The following STK10 variants were observed in gnomAD, a reference collection of about 807,000 sequenced individuals.
The protein encoded by STK10 is serine/threonine-protein kinase 10.
Under a neutral mutation model 113.8 loss-of-function variants are expected in STK10, and 78 were observed. The ratio of observed to expected loss-of-function variants is 0.69; its 90% CI spans 0.57 to 0.83. The LOEUF is 0.83. STK10 is among the 40% of genes least tolerant of loss of function. The pLI, the probability that STK10 is intolerant of heterozygous loss-of-function variation, is 0.00. For synonymous variants in STK10, 465 were observed against 494.7 expected (o/e 0.94, Z 0.80); for missense variants, 1,109 against 1,280.1 (o/e 0.87, Z 2.04).
intron 14 of STK10, 145 bp downstream of exon 14, chr5:172,060,994 T>C: frequency 7.7e-7 from 1 of 1,298,492 alleles, no homozygotes; most frequent in Non-Finnish European, 1.0e-6. Context: ...GTGGGGCTTT[T>C]CCCCAGGTTT....
At chr5:172,126,081 T>A (rs1259732542) in intron 3 of STK10, among the ~76,000 whole-genome samples, 1 of 152,144 alleles carries the variant, frequency 6.6e-6, no homozygotes, top group African/African-American at 2.4e-5. Context: ...TTCTGGGCCA[T>A]CCCAGAATCC....
chr5:172,064,515 A>AG (rs2113706701), intron 13 of STK10: 1 of 604,012 alleles, frequency 1.7e-6, no homozygotes, highest in East Asian at 2.8e-5. Context: ...GAGATGGAAG[A>AG]GCTTACTTCC....
rs762101329 is a variant in STK10, at chr5:172,053,039, C to G, written c.2656G>C (p.Glu886Gln). 1.2e-6 allele frequency: 2 copies of G among 1,613,922 alleles called. No individual in the cohort carries two copies. Among genetic ancestry groups the G allele is most frequent in the South Asian group, 2.2e-5 (2 of 91,004 alleles). Reference sequence around the variant, plus strand: ...TGCTCTACCAGGAGGTGGCACTTTTCATTCTGGAACAGATTCCAGGCAGAA... The same window carrying G: ...TGCTCTACCAGGAGGTGGCACTTTTGATTCTGGAACAGATTCCAGGCAGAA... ...NMSELQQLQN[E>Q]KCHLLVEHET... is the part of the protein sequence containing the mutation. The change falls in exon 18 of 19, where the codon GAA becomes CAA. Residue 886 changes from glutamate (E) to glutamine (Q), a missense_variant. Physicochemically the swap from Glu to Gln is conservative, Grantham distance 29. Transcript: ENST00000176763.
At chr5:172,159,257 T>C (rs1252477635) in intron 1 of STK10, among the ~76,000 whole-genome samples, 1 of 152,264 alleles carries the variant, frequency 6.6e-6, no homozygotes. Context: ...CAAGTACACA[T>C]GGCCAGGCAC....
At chr5:172,091,194 T>C (rs1768697322) in intron 9 of STK10, among the ~76,000 whole-genome samples, 1 of 152,148 alleles carries the variant, frequency 6.6e-6, no homozygotes, top group African/African-American at 2.4e-5. Context: ...CAGTTATTAC[T>C]GCAGACCACA....
chr5:172,183,845 T>G (rs1770905710), intron 1 of STK10, among the ~76,000 whole-genome samples: 1 of 152,232 alleles, frequency 6.6e-6, no homozygotes, highest in Admixed American at 6.5e-5. Flanking sequence ...TGAGTGAGAA[T>G]GAGCTTGACT....
intron 3 of STK10, among the ~76,000 whole-genome samples, chr5:172,122,663 G>A (rs754346864): frequency 1.3e-5 from 2 of 152,124 alleles, no homozygotes; most frequent in East Asian, 1.9e-4. Context: ...TCGCTCTGTC[G>A]CCCAGGCTGG....
chr5:172,185,069 G>C (rs1251219703), intron 1 of STK10, among the ~76,000 whole-genome samples: 3 of 152,096 alleles, frequency 2.0e-5, no homozygotes, highest in Non-Finnish European at 4.4e-5. Flanking sequence ...TTTCAGAGTA[G>C]CAGGGGAGTC....
intron 13 of STK10, among the ~76,000 whole-genome samples, chr5:172,064,117 A>T (rs1488733150): frequency 6.6e-6 from 1 of 152,166 alleles, no homozygotes; most frequent in East Asian, 1.9e-4. Flanking sequence ...AAGAAACTGC[A>T]GGGGAAAAAC....
chr5:172,156,217 A>G (rs961215830), intron 2 of STK10, among the ~76,000 whole-genome samples: 2 of 152,218 alleles, frequency 1.3e-5, no homozygotes, highest in African/African-American at 2.4e-5. Flanking sequence ...GGGCTCTTAC[A>G]TGTGCCCAGC....
At chr5:172,081,218 G>A (rs1251385205) in intron 12 of STK10, among the ~76,000 whole-genome samples, 1 of 152,014 alleles carries the variant, frequency 6.6e-6, no homozygotes, top group African/African-American at 2.4e-5. Context: ...AAGCGTGGTG[G>A]TGCGTGCCTG....
intron 9 of STK10, chr5:172,092,371 C>G (rs948131263): frequency 1.3e-5 from 2 of 152,176 alleles, no homozygotes; most frequent in African/African-American, 4.8e-5. Context: ...TTGAGAAGAG[C>G]AGGGGAGCCC....
intron 8 of STK10, among the ~76,000 whole-genome samples, chr5:172,095,878 C>T (rs1034609677): frequency 1.3e-5 from 2 of 152,188 alleles, no homozygotes; most frequent in African/African-American, 4.8e-5. Context: ...AGAATCCAGC[C>T]CACAGACATG....
At chr5:172,106,012 C>T (rs576540823) in intron 6 of STK10, among the ~76,000 whole-genome samples, 3 of 152,276 alleles carry the variant, frequency 2.0e-5, no homozygotes, top group South Asian at 2.1e-4. Flanking sequence ...CCCGATGTCC[C>T]GCCCAGGGTG....
rs1471185646 is a variant in STK10, at chr5:172,105,155, T to C, written c.870+501A>G. Among the ~76,000 whole-genome samples the C allele has an allele frequency of 3.3e-3, 379 of 115,076 alleles. 2 individuals carry two copies. Among genetic ancestry groups the C allele is most frequent in the Middle Eastern group, 3.8e-3 (1 of 260 alleles). The allele number at this position is 115,076 out of a possible 152,430, so 75.5% of individuals were successfully genotyped here. ...TCCCCTCCCCTGGCCCCTGTGCTCC[T>C]GCTCCCCCACCTCCCACCCCCACCC... On this transcript the variant is annotated intron_variant, in intron 7 of 18. Transcript: ENST00000176763.
intron 7 of STK10, among the ~76,000 whole-genome samples, chr5:172,100,640 A>C (rs1323128970): frequency 1.3e-5 from 2 of 152,102 alleles, no homozygotes; most frequent in Non-Finnish European, 2.9e-5. Flanking sequence ...TACAAGAATT[A>C]GCCGGGTGTG....
At chr5:172,099,292 G>A (rs934416773) in intron 7 of STK10, among the ~76,000 whole-genome samples, 2 of 152,168 alleles carry the variant, frequency 1.3e-5, no homozygotes, top group African/African-American at 4.8e-5. Flanking sequence ...TGTAATCCCA[G>A]CACTTTGGGA....
intron 16 of STK10, 128 bp downstream of exon 16, chr5:172,055,460 G>A (rs1391405838): frequency 9.8e-7 from 1 of 1,017,048 alleles, no homozygotes; most frequent in Non-Finnish European, 1.3e-6. Flanking sequence ...AAAGTGTTGG[G>A]ATTACAGACG....
chr5:172,127,661 C>G (rs756347166), intron 2 of STK10, among the ~76,000 whole-genome samples: 5 of 152,194 alleles, frequency 3.3e-5, no homozygotes, highest in Non-Finnish European at 5.9e-5. Flanking sequence ...AGAAGGAAAA[C>G]TAAGTTGCTA....
Sources: gnomAD v4.1 joint callset for allele counts (sites outside exome capture counted in the v4.1 genomes callset) on GRCh38, gnomAD v4.1.1 for gene constraint, MANE v1.5 for transcripts, NCBI Gene and HGNC (gene_info 2026-07-23, HGNC 2026-07-21) for gene names.